The following IQCM variants were observed in gnomAD, a reference collection of about 807,000 sequenced individuals.
IQCM encodes IQ domain-containing protein M.
IQCM carries 45 observed loss-of-function variants against 57.6 expected under a neutral mutation model. The observed-to-expected ratio is 0.78, with a 90% CI of 0.62 to 1.00. The LOEUF is 1.00. IQCM is among the 50% of genes least tolerant of loss of function. The pLI, the probability that IQCM is intolerant of heterozygous loss-of-function variation, is 0.00. For synonymous variants in IQCM, 148 were observed against 158.9 expected (o/e 0.93, Z 0.51); for missense variants, 468 against 511.6 (o/e 0.91, Z 0.82).
At chr4:149,798,349 C>CA (rs1336639497) in intron 2 of IQCM, among the ~76,000 whole-genome samples, 2 of 151,770 alleles carry the variant, frequency 1.3e-5, no homozygotes, top group African/African-American at 4.8e-5. Context: ...AATGAATACA[C>CA]AAAAAATATA....
intron 8 of IQCM, among the ~76,000 whole-genome samples, chr4:149,592,281 C>T (rs1003623301): frequency 6.6e-6 from 1 of 152,096 alleles, no homozygotes; most frequent in African/African-American, 2.4e-5. Flanking sequence ...TCATATCCTT[C>T]ACCCACTTTT....
intron 5 of IQCM, among the ~76,000 whole-genome samples, chr4:149,698,393 C>T (rs1763500978): frequency 6.6e-6 from 1 of 151,948 alleles, no homozygotes; most frequent in Non-Finnish European, 1.5e-5. Context: ...ATTAGGCACC[C>T]AATAAATGTT....
chr4:149,447,153 G>T (rs903963526), intron 12 of IQCM, among the ~76,000 whole-genome samples: 17 of 151,448 alleles, frequency 1.1e-4, no homozygotes, highest in Non-Finnish European at 2.4e-4. Context: ...TATAGTAGAT[G>T]GAAGAAGAAT....
chr4:149,738,644 A>C (rs1767165862), intron 3 of IQCM, among the ~76,000 whole-genome samples: 1 of 152,168 alleles, frequency 6.6e-6, no homozygotes, highest in South Asian at 2.1e-4. Flanking sequence ...AAGGCCTGAG[A>C]CTGTTCATAA....
intron 9 of IQCM, among the ~76,000 whole-genome samples, chr4:149,568,712 A>G (rs550514305): frequency 6.6e-6 from 1 of 152,260 alleles, no homozygotes; most frequent in East Asian, 1.9e-4. Flanking sequence ...CCAGGAAGTC[A>G]AGGCTGCAGT....
chr4:149,506,126 C>T (rs1579295267), intron 12 of IQCM, among the ~76,000 whole-genome samples: 1 of 151,960 alleles, frequency 6.6e-6, no homozygotes, highest in Admixed American at 6.6e-5. Flanking sequence ...GGAGTGGATG[C>T]TGCCCTCTCA....
At chr4:149,388,538 TTA>T (rs1232448823) in intron 13 of IQCM, among the ~76,000 whole-genome samples, 3 of 134,132 alleles carry the variant, frequency 2.2e-5, no homozygotes, top group Non-Finnish European at 4.9e-5. Flanking sequence ...ATATTATATA[TTA>T]TATATAATAT....
At chr4:149,592,542 T>C (rs1207384023) in intron 8 of IQCM, among the ~76,000 whole-genome samples, 1 of 151,992 alleles carries the variant, frequency 6.6e-6, no homozygotes, top group Non-Finnish European at 1.5e-5. Context: ...CATGCCTATG[T>C]CCTGAATGGT....
At chr4:149,555,462 T>C (rs1449138195) in intron 10 of IQCM, among the ~76,000 whole-genome samples, 1 of 152,184 alleles carries the variant, frequency 6.6e-6, no homozygotes. Context: ...GGGAAATCTA[T>C]TTGTGTGATA....
chr4:149,485,631 T>C (rs536966347), intron 12 of IQCM, among the ~76,000 whole-genome samples: 2 of 152,240 alleles, frequency 1.3e-5, no homozygotes, highest in Non-Finnish European at 2.9e-5. Flanking sequence ...TTATCTTGAA[T>C]TGAGTTTCCT....
chr4:149,358,880 A>ATATACTCTCATGAGTCTATCAT, intron 13 of IQCM, among the ~76,000 whole-genome samples: 2 of 151,094 alleles, frequency 1.3e-5, no homozygotes, highest in East Asian at 1.9e-4. Flanking sequence ...GTATATCATG[A>ATATACTCTCATGAGTCTATCAT]GACCACAGTG....
intron 13 of IQCM, among the ~76,000 whole-genome samples, chr4:149,415,406 T>C (rs537787142): frequency 2.0e-4 from 30 of 152,302 alleles, no homozygotes; most frequent in African/African-American, 7.0e-4. Flanking sequence ...TATCTATGTA[T>C]TGCTTGCCTC....
intron 7 of IQCM, among the ~76,000 whole-genome samples, chr4:149,623,120 C>T (rs1322923987): frequency 2.6e-5 from 4 of 152,024 alleles, no homozygotes; most frequent in African/African-American, 9.7e-5. Flanking sequence ...TGTATAAAAA[C>T]ATCACTCTGT....
intron 12 of IQCM, among the ~76,000 whole-genome samples, chr4:149,454,995 A>T (rs544439742): frequency 6.6e-6 from 1 of 152,098 alleles, no homozygotes; most frequent in East Asian, 1.9e-4. Context: ...AATACACATG[A>T]TCTCCAACTT....
chr4:149,758,053 T>C (rs375785922), intron 2 of IQCM, among the ~76,000 whole-genome samples: 2 of 152,280 alleles, frequency 1.3e-5, no homozygotes, highest in African/African-American at 4.8e-5. Context: ...GACAATGTGG[T>C]ATTGGTAAAA....
chr4:149,596,048 T>C (rs566674090), intron 8 of IQCM, among the ~76,000 whole-genome samples: 119 of 152,270 alleles, frequency 7.8e-4, no homozygotes, highest in Non-Finnish European at 1.5e-3. Flanking sequence ...AGAAAATTTC[T>C]TTAACCTTCA....
intron 10 of IQCM, among the ~76,000 whole-genome samples, chr4:149,553,729 C>T (rs898827522): frequency 2.0e-5 from 3 of 152,020 alleles, no homozygotes; most frequent in Admixed American, 6.6e-5. Flanking sequence ...ACCTATTTTT[C>T]CCTGGGCTTT....
chr4:149,477,556 C>T (rs1451325072), intron 12 of IQCM, among the ~76,000 whole-genome samples: 10 of 152,054 alleles, frequency 6.6e-5, no homozygotes, highest in Admixed American at 3.9e-4. Context: ...GCTTACTGTC[C>T]GGTGGGGGCT....
chr4:149,646,939 G>A (rs1219064843), intron 7 of IQCM, among the ~76,000 whole-genome samples: 3 of 152,144 alleles, frequency 2.0e-5, no homozygotes, highest in Non-Finnish European at 4.4e-5. Context: ...AGCTGGGATA[G>A]CACAACTGCA....
Sources: gnomAD v4.1 joint callset for allele counts (sites outside exome capture counted in the v4.1 genomes callset) on GRCh38, gnomAD v4.1.1 for gene constraint, MANE v1.5 for transcripts, NCBI Gene and HGNC (gene_info 2026-07-23, HGNC 2026-07-21) for gene names.